The following LYSMD2 variants were observed in gnomAD, a reference collection of about 807,000 sequenced individuals.
LYSMD2 encodes LysM domain containing 2, also known as lysM and putative peptidoglycan-binding domain-containing protein 2.
A neutral mutation model predicts 17.7 loss-of-function variants in LYSMD2; 6 were observed. The observed-to-expected ratio is 0.34, with a 90% CI of 0.19 to 0.67. The LOEUF (loss-of-function observed/expected upper bound fraction) is 0.67. LYSMD2 is among the 30% of genes least tolerant of loss of function. The probability of loss-of-function intolerance (pLI) is 0.69; values close to 1 mark genes in which losing one functional copy is unlikely to be tolerated. For missense variants in LYSMD2, 237 were observed against 286.7 expected, an observed-to-expected ratio of 0.83 and a Z score of 1.25; for synonymous variants, 102 against 129.8, an observed-to-expected ratio of 0.79 and a Z score of 1.45.
chr15:51,723,859 A>G (rs774276261), intron 2 of LYSMD2, among the ~76,000 whole-genome samples: 12 of 152,148 alleles, frequency 7.9e-5, no homozygotes, highest in South Asian at 2.1e-4. Context: ...AGAATAAATA[A>G]TGTCATTCAT....
In LYSMD2 at chr15:51,737,293, G is replaced by A; in HGVS notation, c.273+57C>T. On this transcript the variant is annotated intron_variant, in intron 1 of 2. Coordinates refer to ENST00000267838, the MANE Select transcript of LYSMD2 (RefSeq NM_153374.3). The surrounding 1 kb of genome is among the most constrained non-coding windows in gnomAD (Gnocchi z 4.2). ...CCCCACCCCCACCGCACCCCGAGCCGCACCGCCTCCTGCGCGGTAGCTGCC... is the reference window on the plus strand; with the variant it reads ...CCCCACCCCCACCGCACCCCGAGCCACACCGCCTCCTGCGCGGTAGCTGCC... 3 of 636,528 alleles carry A rather than the reference G, an allele frequency of 4.7e-6. No individual in the cohort carries two copies. The highest frequency in any genetic ancestry group is 5.1e-5 in the South Asian group (1 of 19,692). 39.4% of individuals were successfully genotyped at this position (636,528 alleles called of 1,614,324 possible).
At chr15:51,744,852 A>C (rs2055659431) in intron 1 of LYSMD2, among the ~76,000 whole-genome samples, 1 of 152,170 alleles carries the variant, frequency 6.6e-6, no homozygotes, top group African/African-American at 2.4e-5. Context: ...AAAGATCGAC[A>C]AAATTGACAA....
chr15:51,749,105 T>G (rs2652595), intron 1 of LYSMD2, among the ~76,000 whole-genome samples: 50,568 of 152,096 alleles, frequency 0.33, 9,233 homozygotes, highest in Non-Finnish European at 0.4. Flanking sequence ...CATTTTCATC[T>G]TCTAAAAAGC....
intron 1 of LYSMD2, among the ~76,000 whole-genome samples, chr15:51,730,916 C>T (rs1395105008): frequency 6.6e-6 from 1 of 152,136 alleles, no homozygotes; most frequent in Admixed American, 6.5e-5. Context: ...ATGTTGATGG[C>T]AATGAGACCA....
upstream of LYSMD2, among the ~76,000 whole-genome samples, chr15:51,739,351 T>C (rs188430721): frequency 6.6e-6 from 1 of 151,706 alleles, no homozygotes; most frequent in East Asian, 1.9e-4. Flanking sequence ...AAAAAAAAAA[T>C]AAATACATAA....
intron 1 of LYSMD2, among the ~76,000 whole-genome samples, chr15:51,747,233 T>C (rs2055672792): frequency 1.3e-5 from 2 of 150,168 alleles, no homozygotes; most frequent in South Asian, 4.2e-4. Flanking sequence ...CAACAAAAAC[T>C]GTAATGCCAG....
upstream of LYSMD2, among the ~76,000 whole-genome samples, chr15:51,738,754 G>T (rs1326069844): frequency 1.3e-5 from 2 of 152,130 alleles, no homozygotes; most frequent in Non-Finnish European, 2.9e-5. Flanking sequence ...AGCTAATATT[G>T]CTCAGGAGAG....
chr15:51,726,860 G>A (rs1336788341), intron 1 of LYSMD2, among the ~76,000 whole-genome samples: 3 of 152,214 alleles, frequency 2.0e-5, no homozygotes, highest in Non-Finnish European at 2.9e-5. Flanking sequence ...AGGGGACTAC[G>A]ACTGCTAATA....
chr15:51,742,391 C>T (rs755843147), upstream of LYSMD2, among the ~76,000 whole-genome samples: 2 of 152,146 alleles, frequency 1.3e-5, no homozygotes, highest in Non-Finnish European at 2.9e-5. Context: ...AATCTACTTT[C>T]GGTCATATTA....
intron 1 of LYSMD2, among the ~76,000 whole-genome samples, chr15:51,729,521 CG>C (rs1217897035): frequency 2.6e-5 from 4 of 152,242 alleles, no homozygotes; most frequent in Non-Finnish European, 5.9e-5. Context: ...TGCAGTGGCA[CG>C]ATCTCGGCTC....
intron 1 of LYSMD2, among the ~76,000 whole-genome samples, chr15:51,747,365 C>T (rs1287491343): frequency 1.3e-5 from 2 of 152,046 alleles, no homozygotes; most frequent in Admixed American, 1.3e-4. Context: ...GTGGCGCATG[C>T]CTGTAATCCC....
At chr15:51,743,462 A>G (rs2055652893) in intron 1 of LYSMD2, among the ~76,000 whole-genome samples, 1 of 152,230 alleles carries the variant, frequency 6.6e-6, no homozygotes, top group Non-Finnish European at 1.5e-5. Context: ...ATTTCTGGAC[A>G]TTCTATACTG....
chr15:51,746,641 G>C (rs2055668930), intron 1 of LYSMD2, among the ~76,000 whole-genome samples: 2 of 152,152 alleles, frequency 1.3e-5, no homozygotes, highest in African/African-American at 4.8e-5. Context: ...TGTATTTAGA[G>C]AGAGAGAAAG....
chr15:51,723,703 C>T (rs1023277603), intron 2 of LYSMD2, 54 bp from the exon 3 acceptor site: 19 of 1,305,850 alleles, frequency 1.5e-5, no homozygotes, highest in Non-Finnish European at 1.9e-5. Flanking sequence ...ATGCAGAAAA[C>T]TAAAACATCA....
chr15:51,738,843 T>C (rs2055629074), upstream of LYSMD2, among the ~76,000 whole-genome samples: 2 of 152,220 alleles, frequency 1.3e-5, no homozygotes, highest in African/African-American at 4.8e-5. Flanking sequence ...GACAACAGCA[T>C]TACTAAAAAC....
chr15:51,728,002 T>C (rs1020444908), intron 1 of LYSMD2, among the ~76,000 whole-genome samples: 6 of 152,322 alleles, frequency 3.9e-5, no homozygotes, highest in Admixed American at 3.9e-4. Context: ...TCAGGGGCCA[T>C]ACTTTCTGAG....
Position 51,747,616 on chromosome 15 carries a change from A to G in LYSMD2, c.-1+3655T>C, listed in dbSNP as rs1428454649. On this transcript the variant is annotated intron_variant, in intron 1 of 2. Coordinates refer to the LYSMD2 transcript ENST00000454181. ...CTGCTTTCTCAAATTAAGATCACAC[A>G]TTACATTTTGTTATTTGTCTCTTGA... is the stretch of plus-strand genomic sequence containing the variant. Among the ~76,000 whole-genome samples the G allele has an allele frequency of 2.0e-5, 3 of 152,206 alleles. No individual in the cohort carries two copies. In the East Asian group the frequency reaches 5.8e-4, roughly 29 times the overall value.
At chr15:51,728,553 A>C (rs2141593249) in intron 1 of LYSMD2, among the ~76,000 whole-genome samples, 1 of 152,202 alleles carries the variant, frequency 6.6e-6, no homozygotes, top group South Asian at 2.1e-4. Flanking sequence ...AGAAGGAAGA[A>C]GGTAGAAATT....
At chr15:51,738,347 G>A (rs1325391968), upstream of LYSMD2, among the ~76,000 whole-genome samples, 1 of 152,098 alleles carries the variant, frequency 6.6e-6, no homozygotes, top group African/African-American at 2.4e-5. Context: ...GTACACTAGT[G>A]CCAATTTAAG....
Sources: allele counts gnomAD v4.1 joint callset (sites outside exome capture counted in the v4.1 genomes callset), GRCh38; gene constraint gnomAD v4.1.1; non-coding constraint Gnocchi (gnomAD v3.1); transcripts MANE v1.5; gene names NCBI Gene and HGNC (gene_info 2026-07-23, HGNC 2026-07-21).